SGPP2: variants seen among roughly 807,000 people sequenced by gnomAD.
The protein encoded by SGPP2 is sphingosine 1-phosphate phosphohydrolase 2.
SGPP2 carries 30 observed loss-of-function variants against 33.9 expected under a neutral mutation model. That is an observed-to-expected ratio of 0.89 (90% CI 0.66 to 1.20). The LOEUF (loss-of-function observed/expected upper bound fraction) is 1.20. SGPP2 is among the 50% of genes most tolerant of loss of function. SGPP2 has a pLI of 0.00. For missense variants in SGPP2, 458 were observed against 532.1 expected (o/e 0.86, Z 1.37); for synonymous variants, 233 against 225.0 (o/e 1.04, Z -0.32).
In SGPP2 at chr2:222,560,531, TAAG is replaced by T. The variant is rs1689518102; in HGVS notation, c.*1636_*1638del. On this transcript the variant is annotated 3_prime_UTR_variant, in exon 5 of 5. Coordinates refer to ENST00000321276, the MANE Select transcript of SGPP2 (RefSeq NM_152386.4). ...CCGGAGTTCCCTCCTCTTCAGTTCC[TAAG>T]AATAAAGAACAGGTATCAAGAACTT... 1 of 152,206 alleles carries T rather than the reference TAAG, an allele frequency of 6.6e-6. No homozygotes were observed. The highest frequency in any genetic ancestry group is 1.5e-5 in the Non-Finnish European group (1 of 68,044). 9.4% of individuals were successfully genotyped at this position (152,206 alleles called of 1,614,324 possible).
intron 2 of SGPP2, among the ~76,000 whole-genome samples, chr2:222,499,933 A>G (rs2106117137): frequency 6.6e-6 from 1 of 152,288 alleles, no homozygotes. Context: ...TGGAACTTAC[A>G]ACGTTAAGTT....
chr2:222,479,756 GA>G (rs1698001912), intron 2 of SGPP2, among the ~76,000 whole-genome samples: 1 of 152,214 alleles, frequency 6.6e-6, no homozygotes, highest in South Asian at 2.1e-4. Context: ...ATTGGAACGC[GA>G]AGCTTGTGGG....
chr2:222,529,103 C>G (rs1273392722), intron 4 of SGPP2, among the ~76,000 whole-genome samples: 1 of 152,160 alleles, frequency 6.6e-6, no homozygotes, highest in Non-Finnish European at 1.5e-5. Context: ...TTAATTCTCT[C>G]AAACCCTGCA....
At chr2:222,544,358 T>G (rs553636236) in intron 4 of SGPP2, among the ~76,000 whole-genome samples, 8 of 152,238 alleles carry the variant, frequency 5.3e-5, no homozygotes, top group Non-Finnish European at 1.2e-4. Flanking sequence ...CAATCAGATC[T>G]TGTTAAATAA....
In SGPP2 at chr2:222,561,715, G is replaced by A. The variant is rs1574899829; in HGVS notation, c.*2817G>A. Among the ~76,000 whole-genome samples the A allele has an allele frequency of 6.6e-6, 1 of 151,898 alleles. No homozygotes were observed. Among genetic ancestry groups the A allele is most frequent in the African/African-American group, 2.4e-5 (1 of 41,310 alleles). On this transcript the variant is annotated 3_prime_UTR_variant, in exon 5 of 5. Transcript: ENST00000321276. ...ATGAGCCAAGGATTTGTCATGGTTG[G>A]TCACTTTTTAAAGTATTTGATTACT... is the stretch of plus-strand genomic sequence containing the variant.
chr2:222,544,016 G>C (rs1479026659), intron 4 of SGPP2, among the ~76,000 whole-genome samples: 1 of 152,092 alleles, frequency 6.6e-6, no homozygotes, highest in South Asian at 2.1e-4. Flanking sequence ...GTTGTTTTCT[G>C]TATAGAGGTC....
chr2:222,507,434 A>C lies in SGPP2; in HGVS notation c.379-14333A>C, dbSNP rs546306707. 7.5e-4 allele frequency among the ~76,000 whole-genome samples: 114 copies of C among 152,360 alleles called. No homozygotes were observed. In the Middle Eastern group the frequency reaches 0.014, roughly 18 times the overall value. On this transcript the variant is annotated intron_variant, in intron 2 of 4. Coordinates refer to ENST00000321276, the MANE Select transcript of SGPP2 (RefSeq NM_152386.4). ...ATCAGATGAGAAAGTTGGACCTGGCATGTGACTAACATGTATTGCATTGTT... is the reference window on the plus strand; with the variant it reads ...ATCAGATGAGAAAGTTGGACCTGGCCTGTGACTAACATGTATTGCATTGTT...
At chr2:222,487,275 A>G (rs146162714) in intron 2 of SGPP2, among the ~76,000 whole-genome samples, 49 of 152,308 alleles carry the variant, frequency 3.2e-4, no homozygotes, top group African/African-American at 1.2e-3. Context: ...TTTTCTAGTA[A>G]GGTAGAATGA....
At chr2:222,481,654 G>T (rs1698030766) in intron 2 of SGPP2, among the ~76,000 whole-genome samples, 1 of 152,046 alleles carries the variant, frequency 6.6e-6, no homozygotes, top group South Asian at 2.1e-4. Flanking sequence ...GACCTCCCAG[G>T]TCCTTTACAG....
intron 2 of SGPP2, among the ~76,000 whole-genome samples, chr2:222,512,032 T>A (rs2106126069): frequency 7.9e-6 from 1 of 127,188 alleles, no homozygotes; most frequent in East Asian, 2.2e-4. Context: ...TTATTTATTT[T>A]GAGACAGAGT....
At chr2:222,493,416 C>G (rs1189322305) in intron 2 of SGPP2, among the ~76,000 whole-genome samples, 2 of 152,138 alleles carry the variant, frequency 1.3e-5, no homozygotes, top group African/African-American at 2.4e-5. Flanking sequence ...GGAAACTGCC[C>G]CCATGATCAA....
At position 222,521,799 on chromosome 2, in the gene SGPP2, T is replaced by C; in HGVS notation, c.411T>C (p.Asp137=). 5 of 1,609,312 alleles carry C rather than the reference T, an allele frequency of 3.1e-6. No individual in the cohort carries two copies. The highest frequency in any genetic ancestry group is 4.2e-6 in the Non-Finnish European group (5 of 1,178,538). ...TGTATATTGGCCAAGTGGCCAAGGA[T>C]GTCTTGAAGTGGCCCCGTCCCTCCT... The part of the protein sequence containing the change: ...LVMYIGQVAK[D]VLKWPRPSSP... The change falls in exon 3 of 5, where the codon GAT becomes GAC. Residue 137 remains aspartate, a synonymous_variant. Coordinates refer to ENST00000321276, the MANE Select transcript of SGPP2 (RefSeq NM_152386.4).
At chr2:222,508,383 C>T (rs1698477224) in intron 2 of SGPP2, among the ~76,000 whole-genome samples, 1 of 152,200 alleles carries the variant, frequency 6.6e-6, no homozygotes, top group Non-Finnish European at 1.5e-5. Context: ...TCCAGCTTCT[C>T]TACACTGGCA....
chr2:222,455,477 A>C (rs1697559156), intron 1 of SGPP2, among the ~76,000 whole-genome samples: 1 of 152,202 alleles, frequency 6.6e-6, no homozygotes, highest in African/African-American at 2.4e-5. Context: ...GCTGGAACAT[A>C]AAAAAGGAGA....
chr2:222,552,582 C>T (rs770514446), intron 4 of SGPP2, among the ~76,000 whole-genome samples: 27 of 152,120 alleles, frequency 1.8e-4, no homozygotes, highest in Admixed American at 8.5e-4. Flanking sequence ...TTACTCAAGC[C>T]GGGTTTAGTG....
Position 222,555,671 on chromosome 2 carries a change from C to G in SGPP2, c.649-2676C>G, listed in dbSNP as rs146319013. ...AAACTCGAGAGAAACACACAAGGCTCAAAGACAGAATCTGCAAATGCCCAT... is the reference window on the plus strand; with the variant it reads ...AAACTCGAGAGAAACACACAAGGCTGAAAGACAGAATCTGCAAATGCCCAT... On this transcript the variant is annotated intron_variant, in intron 4 of 4. Coordinates refer to ENST00000321276, the MANE Select transcript of SGPP2 (RefSeq NM_152386.4). Among the ~76,000 whole-genome samples the G allele has an allele frequency of 1.6e-3, 249 of 152,052 alleles. 1 individual carries two copies. The highest frequency in any genetic ancestry group is 5.7e-3 in the African/African-American group (237 of 41,466).
chr2:222,515,693 A>G (rs1453844887), intron 2 of SGPP2, among the ~76,000 whole-genome samples: 4 of 152,202 alleles, frequency 2.6e-5, no homozygotes, highest in Admixed American at 2.6e-4. Context: ...CATTTAAAGC[A>G]TGTAATTCAA....
chr2:222,445,472 C>G (rs759959234), intron 1 of SGPP2, among the ~76,000 whole-genome samples: 17 of 152,182 alleles, frequency 1.1e-4, no homozygotes, highest in Non-Finnish European at 1.9e-4. Context: ...TGACTCACAC[C>G]AGTTGCTTGA....
chr2:222,438,292 C>G (rs1194570040), intron 1 of SGPP2, among the ~76,000 whole-genome samples: 1 of 152,222 alleles, frequency 6.6e-6, no homozygotes, highest in Non-Finnish European at 1.5e-5. Context: ...ATTTCCCATC[C>G]TCTGGCACGC....
Sources: gnomAD v4.1 joint callset for allele counts (sites outside exome capture counted in the v4.1 genomes callset) on GRCh38, gnomAD v4.1.1 for gene constraint, MANE v1.5 for transcripts, NCBI Gene and HGNC (gene_info 2026-07-23, HGNC 2026-07-21) for gene names.